GPATCH2L: variants seen among roughly 807,000 people sequenced by gnomAD.
GPATCH2L encodes G-patch domain containing 2 like.
A neutral mutation model predicts 57.4 loss-of-function variants in GPATCH2L; 31 were observed. The observed-to-expected ratio is 0.54, with a 90% CI of 0.41 to 0.73. The LOEUF (loss-of-function observed/expected upper bound fraction) is 0.73, where lower values mean the gene tolerates loss of function less well. Among genes scored for constraint, GPATCH2L ranks in the 30% least tolerant of loss-of-function variants. GPATCH2L has a pLI of 0.00. For synonymous variants in GPATCH2L, 199 were observed against 210.7 expected, an observed-to-expected ratio of 0.94 and a Z score of 0.48; for missense variants, 481 against 599.9, an observed-to-expected ratio of 0.80 and a Z score of 2.07.
In GPATCH2L at chr14:76,201,789, A is replaced by G; in HGVS notation, c.1387A>G (p.Thr463Ala). ...LVRTSAAEKA[T>A]DATTATFFKM... Reference sequence around the variant, plus strand: ...GAGGACCTCTGCAGCAGAGAAAGCCACAGACGCAACTACTGCTACATTTTT... The same window carrying G: ...GAGGACCTCTGCAGCAGAGAAAGCCGCAGACGCAACTACTGCTACATTTTT... Residue 463 changes from threonine (T) to alanine (A), a missense_variant, in exon 10 of 10, where the codon ACA (threonine) becomes GCA (alanine). This residue lies in a region of GPATCH2L where 248 missense variants were observed against 270.5 expected (regional missense o/e 0.92). Coordinates refer to ENST00000261530, the MANE Select transcript of GPATCH2L (RefSeq NM_017926.4). 1 of 1,614,094 alleles carries G rather than the reference A, an allele frequency of 6.2e-7. No homozygotes were observed. The highest frequency in any genetic ancestry group is 8.5e-7 in the Non-Finnish European group (1 of 1,179,940).
intron 1 of GPATCH2L, among the ~76,000 whole-genome samples, chr14:76,229,533 C>T (rs990921519): frequency 6.6e-6 from 1 of 152,186 alleles, no homozygotes; most frequent in African/African-American, 2.4e-5. Flanking sequence ...GCATTAGTCC[C>T]TCCACATGTT....
Position 76,154,483 on chromosome 14 carries a change from G to A in GPATCH2L, c.120G>A (p.Arg40=), listed in dbSNP as rs2038201871. ...CCCGACAGCAGAGGCGGCAGCTTCG[G>A]AAACGCCGAGGTCGGAAGCGTCGTT... The part of the protein sequence containing the change: ...LSPRQQRRQL[R]KRRGRKRRSD... Residue 40 remains arginine (R), a synonymous_variant, in exon 2 of 10, where the codon CGG becomes CGA. Transcript: ENST00000261530. This position sits in a 1 kb window ranked among gnomAD's most constrained non-coding sequence, Gnocchi z 4.4. The A allele has an allele frequency of 6.2e-7, 1 of 1,614,078 alleles. No individual in the cohort carries two copies. Among genetic ancestry groups the A allele is most frequent in the African/African-American group, 1.3e-5 (1 of 74,934 alleles).
At chr14:76,158,306 C>G (rs896544814) in intron 2 of GPATCH2L, among the ~76,000 whole-genome samples, 3 of 152,192 alleles carry the variant, frequency 2.0e-5, no homozygotes, top group African/African-American at 7.2e-5. Context: ...CCCAGGCTGA[C>G]CTTCTGCGGC....
intron 7 of GPATCH2L, 132 bp downstream of exon 7, chr14:76,178,174 C>T (rs1566793879): frequency 1.5e-6 from 2 of 1,328,072 alleles, no homozygotes; most frequent in Non-Finnish European, 2.1e-6. Context: ...TTTCTTGTAG[C>T]ATATATTTCA....
downstream of GPATCH2L, among the ~76,000 whole-genome samples, chr14:76,218,431 A>G (rs1289400604): frequency 6.6e-6 from 1 of 152,098 alleles, no homozygotes; most frequent in African/African-American, 2.4e-5. Context: ...CCATGTTGTA[A>G]TAGCACAAAA....
At chr14:76,199,917 C>T (rs1027340823) in intron 9 of GPATCH2L, among the ~76,000 whole-genome samples, 1 of 152,188 alleles carries the variant, frequency 6.6e-6, no homozygotes, top group Non-Finnish European at 1.5e-5. Context: ...AAACAAATCA[C>T]ATGTCCATTG....
rs2040389961 is a variant in GPATCH2L, at chr14:76,207,284, C to G, written c.*5433C>G. 2 of 150,996 alleles carry G rather than the reference C, an allele frequency of 1.3e-5. No individual in the cohort carries two copies. Among genetic ancestry groups the G allele is most frequent in the Admixed American group, 1.3e-4 (2 of 15,152 alleles). 9.4% of individuals were successfully genotyped at this position (150,996 alleles called of 1,614,324 possible). A position where few individuals can be genotyped will look rare whatever the true frequency, so the allele number is the denominator to read the frequency against. ...TGAGCCATGATCTGGCCACTGCACT[C>G]CAGCCTGGGTGACAGAGCAAGACCC... On this transcript the variant is annotated 3_prime_UTR_variant, in exon 10 of 10. Transcript: ENST00000261530.
chr14:76,219,045 G>T (rs546387586), downstream of GPATCH2L, among the ~76,000 whole-genome samples: 56 of 136,164 alleles, frequency 4.1e-4, no homozygotes, highest in African/African-American at 1.3e-3. Flanking sequence ...TATAACCTAA[G>T]ACTGGGGAAG....
At chr14:76,172,063 C>A (rs752768342) in intron 4 of GPATCH2L, 44 bp downstream of exon 4, 3 of 1,317,608 alleles carry the variant, frequency 2.3e-6, no homozygotes, top group East Asian at 5.0e-5. Flanking sequence ...TTATGGTTCT[C>A]CTTGGGCAGA....
chr14:76,178,307 A>C, intron 7 of GPATCH2L: 1 of 1,360,052 alleles, frequency 7.4e-7, no homozygotes, highest in Non-Finnish European at 9.7e-7. Flanking sequence ...TGAAGCCTAA[A>C]CGTATGGAGC....
At chr14:76,167,467 C>T (rs11624689) in intron 3 of GPATCH2L, among the ~76,000 whole-genome samples, 59,422 of 152,024 alleles carry the variant, frequency 0.39, 14,108 homozygotes, top group South Asian at 0.56. Context: ...TTTTTCTCCA[C>T]GGGTTAAGCA....
At chr14:76,216,753 TGGTA>T (rs1211179306), downstream of GPATCH2L, among the ~76,000 whole-genome samples, 1 of 152,124 alleles carries the variant, frequency 6.6e-6, no homozygotes, top group African/African-American at 2.4e-5. Context: ...AGAGAGCACT[TGGTA>T]GGAGGAGGGC....
chr14:76,182,363 G>GAAAAAAAAAAAA, intron 8 of GPATCH2L, among the ~76,000 whole-genome samples: 1 of 85,620 alleles, frequency 1.2e-5, no homozygotes, highest in Non-Finnish European at 2.0e-5. Context: ...TCTCAGAAAA[G>GAAAAAAAAAAAA]AAAAAAAAAA....
Position 76,213,393 on chromosome 14 carries a change from C to A in GPATCH2L, c.*11542C>A, listed in dbSNP as rs537597301. On this transcript the variant is annotated 3_prime_UTR_variant, in exon 10 of 10. Coordinates refer to ENST00000261530, the MANE Select transcript of GPATCH2L (RefSeq NM_017926.4). ...CATAGAAGAAATGAAGTAAGTATTT[C>A]AATTAGCATGACAGACTAAATACTT... 2.4e-4 allele frequency: 37 copies of A among 152,212 alleles called. No individual in the cohort carries two copies. Among genetic ancestry groups the A allele is most frequent in the African/African-American group, 7.9e-4 (33 of 41,532 alleles). The allele number at this position is 152,212 out of a possible 1,614,324, so 9.4% of individuals were successfully genotyped here.
chr14:76,185,509 A>G (rs532327813), intron 8 of GPATCH2L, among the ~76,000 whole-genome samples: 8 of 152,334 alleles, frequency 5.3e-5, no homozygotes, highest in African/African-American at 1.9e-4. Context: ...AGTTGCATCT[A>G]TGTGATTCAT....
intron 1 of GPATCH2L, among the ~76,000 whole-genome samples, chr14:76,226,305 G>A (rs1351852184): frequency 2.6e-5 from 4 of 152,190 alleles, no homozygotes; most frequent in African/African-American, 7.2e-5. Context: ...GCAGCAACAC[G>A]TATGAATCTC....
intron 2 of GPATCH2L, among the ~76,000 whole-genome samples, chr14:76,158,807 A>G (rs1030246033): frequency 1.3e-5 from 2 of 152,212 alleles, no homozygotes; most frequent in African/African-American, 4.8e-5. Context: ...GTATATTCAC[A>G]GTTCTGCTAG....
chr14:76,171,539 C>T (rs949173925), intron 3 of GPATCH2L, among the ~76,000 whole-genome samples: 6 of 151,836 alleles, frequency 4.0e-5, no homozygotes, highest in South Asian at 4.2e-4. Flanking sequence ...ACCAAGATCA[C>T]GCCACTGCAC....
intron 9 of GPATCH2L, among the ~76,000 whole-genome samples, chr14:76,196,916 T>C (rs2040171090): frequency 6.6e-6 from 1 of 152,162 alleles, no homozygotes; most frequent in Non-Finnish European, 1.5e-5. Context: ...GTCTGCTTTA[T>C]GGTGGTTCAT....
Sources: gnomAD v4.1 joint callset for allele counts (sites outside exome capture counted in the v4.1 genomes callset) on GRCh38, gnomAD v4.1.1 for gene constraint, gnomAD v4.1.1 regional missense constraint, Gnocchi (gnomAD v3.1) non-coding constraint, MANE v1.5 for transcripts, NCBI Gene and HGNC (gene_info 2026-07-23, HGNC 2026-07-21) for gene names.